The following ADCY5 variants were observed in gnomAD, a reference collection of about 807,000 sequenced individuals.
ADCY5 encodes adenylate cyclase type 5.
Under a neutral mutation model 119.7 loss-of-function variants are expected in ADCY5, and 30 were observed. The ratio of observed to expected loss-of-function variants is 0.25; its 90% CI spans 0.19 to 0.34. The LOEUF is 0.34. ADCY5 is among the 10% of genes least tolerant of loss of function. The pLI is 1.00. For missense variants in ADCY5, 1,324 were observed against 1,775.2 expected, an observed-to-expected ratio of 0.75 and a Z score of 4.57; for synonymous variants, 753 against 762.2, an observed-to-expected ratio of 0.99 and a Z score of 0.20.
chr3:123,298,816 A>G (rs1939666802), intron 15 of ADCY5, among the ~76,000 whole-genome samples: 1 of 142,330 alleles, frequency 7.0e-6, no homozygotes, highest in Admixed American at 7.2e-5. Context: ...TTCTCAGGGG[A>G]CACAAAACTG....
chr3:123,353,417 G>T (rs576694252), intron 1 of ADCY5, among the ~76,000 whole-genome samples: 1 of 152,306 alleles, frequency 6.6e-6, no homozygotes, highest in Non-Finnish European at 1.5e-5. Context: ...AATTTCTCTT[G>T]GCAGGTAGAG....
chr3:123,380,972 C>G (rs994652892), intron 1 of ADCY5, among the ~76,000 whole-genome samples: 1 of 152,164 alleles, frequency 6.6e-6, no homozygotes, highest in African/African-American at 2.4e-5. Context: ...AGCCCTTCCA[C>G]TTCATACGGT....
In ADCY5 at chr3:123,286,575, G is replaced by A; in HGVS notation, c.3657+110C>T. 1 of 1,423,234 alleles carries A rather than the reference G, an allele frequency of 7.0e-7. No individual in the cohort carries two copies. The allele number at this position is 1,423,234 out of a possible 1,614,324, so 88.2% of individuals were successfully genotyped here. On this transcript the variant is annotated intron_variant, in intron 20 of 20. Transcript: ENST00000462833. This position sits in a 1 kb window ranked among gnomAD's most constrained non-coding sequence, Gnocchi z 4.2. ...CAACAGCCCCATCACCCTTGAATCT[G>A]GCTGCAGACATTCTGACTGGGAACT... is the stretch of plus-strand genomic sequence containing the variant.
At chr3:123,393,591 A>AAAAT (rs1479767828) in intron 1 of ADCY5, among the ~76,000 whole-genome samples, 1 of 151,652 alleles carries the variant, frequency 6.6e-6, no homozygotes, top group African/African-American at 2.4e-5. Flanking sequence ...AAAATAAAAT[A>AAAAT]AAATAAAATA....
chr3:123,352,774 A>G lies in ADCY5; in HGVS notation c.1135-193T>C, dbSNP rs1706774783. ...CGGGCTCTCTGATGTCCTCAAAGCC[A>G]GAAGTTTGGCTGGCTTGTCATGGGA... On this transcript the variant is annotated intron_variant, in intron 1 of 20. Coordinates refer to ENST00000462833, the MANE Select transcript of ADCY5 (RefSeq NM_183357.3). The surrounding 1 kb of genome is among the most constrained non-coding windows in gnomAD (Gnocchi z 4.8). Among the ~76,000 whole-genome samples the G allele has an allele frequency of 6.6e-6, 1 of 152,216 alleles. No homozygotes were observed. The highest frequency in any genetic ancestry group is 2.1e-4 in the South Asian group (1 of 4,832).
chr3:123,388,435 C>T (rs1944296817), intron 1 of ADCY5, among the ~76,000 whole-genome samples: 1 of 151,994 alleles, frequency 6.6e-6, no homozygotes, highest in African/African-American at 2.4e-5. Context: ...AGCCGGTCTC[C>T]GTGAGGACAG....
At chr3:123,441,874 CT>C (rs1223054985) in intron 1 of ADCY5, among the ~76,000 whole-genome samples, 3 of 151,766 alleles carry the variant, frequency 2.0e-5, no homozygotes, top group Non-Finnish European at 2.9e-5. Flanking sequence ...AAAATGCGGG[CT>C]CACATTAAGC....
chr3:123,347,929 T>A, intron 2 of ADCY5, 26 bp from the exon 3 acceptor site: 5 of 1,613,000 alleles, frequency 3.1e-6, no homozygotes, highest in Non-Finnish European at 4.2e-6. Context: ...CATGCTTTCA[T>A]CACCACGCCT....
intron 12 of ADCY5, among the ~76,000 whole-genome samples, chr3:123,306,540 T>C (rs1646292831): frequency 6.6e-6 from 1 of 152,232 alleles, no homozygotes; most frequent in African/African-American, 2.4e-5. Flanking sequence ...TTGGACTTTA[T>C]CAAAATTAAT....
chr3:123,389,129 G>T (rs1944324169), intron 1 of ADCY5, among the ~76,000 whole-genome samples: 1 of 151,734 alleles, frequency 6.6e-6, no homozygotes, highest in African/African-American at 2.4e-5. Context: ...GAAGCCAGGA[G>T]GTGCAGGACG....
At chr3:123,406,896 C>A (rs965408733) in intron 1 of ADCY5, among the ~76,000 whole-genome samples, 1 of 152,180 alleles carries the variant, frequency 6.6e-6, no homozygotes, top group Non-Finnish European at 1.5e-5. Flanking sequence ...GCACACCCAC[C>A]CTGCAGGCCA....
chr3:123,424,061 C>A (rs1945353493), intron 1 of ADCY5, among the ~76,000 whole-genome samples: 1 of 152,258 alleles, frequency 6.6e-6, no homozygotes, highest in Admixed American at 6.5e-5. Flanking sequence ...AGGCCACCGT[C>A]CTAGAGCAGA....
intron 3 of ADCY5, among the ~76,000 whole-genome samples, chr3:123,333,994 A>G (rs1250745044): frequency 6.6e-6 from 1 of 152,166 alleles, no homozygotes; most frequent in Non-Finnish European, 1.5e-5. Context: ...AGCTGGTGAT[A>G]GATCTTTCAC....
At chr3:123,423,638 C>G (rs558103170) in intron 1 of ADCY5, among the ~76,000 whole-genome samples, 23 of 152,318 alleles carry the variant, frequency 1.5e-4, no homozygotes, top group Non-Finnish European at 1.8e-4. Context: ...AGCTCCCTGA[C>G]ACTATTCTAA....
In ADCY5 at chr3:123,401,812, C is replaced by A. The variant is rs1007063066; in HGVS notation, c.1134+45600G>T. Reference sequence around the variant, plus strand: ...GTGTGGCAGGTAGCTCTTACCGAACCTACCTAAAAACCCGGCCTGTCTCAG... The same window carrying A: ...GTGTGGCAGGTAGCTCTTACCGAACATACCTAAAAACCCGGCCTGTCTCAG... On this transcript the variant is annotated intron_variant, in intron 1 of 20. Coordinates refer to ENST00000462833, the MANE Select transcript of ADCY5 (RefSeq NM_183357.3). 2.0e-5 allele frequency among the ~76,000 whole-genome samples: 3 copies of A among 152,124 alleles called. No homozygotes were observed. The East Asian group carries it at 5.8e-4, about 29-fold the overall frequency.
chr3:123,352,631 C>T lies in ADCY5; in HGVS notation c.1135-50G>A, dbSNP rs1208362831. On this transcript the variant is annotated intron_variant, in intron 1 of 20. Transcript: ENST00000462833. The surrounding 1 kb of genome is among the most constrained non-coding windows in gnomAD (Gnocchi z 4.8). ...CTAGCTCAGATCCTGACCTTCCTGG[C>T]CCCAAAGCATGAAGCCCTCAGCCCC... The T allele has an allele frequency of 3.2e-6, 5 of 1,556,030 alleles. No individual in the cohort carries two copies. The highest frequency in any genetic ancestry group is 4.4e-6 in the Non-Finnish European group (5 of 1,144,572).
chr3:123,297,303 G>T (rs1458907341), intron 16 of ADCY5, 50 bp downstream of exon 16: 1 of 1,602,172 alleles, frequency 6.2e-7, no homozygotes, highest in Non-Finnish European at 8.5e-7. Context: ...CTCCCTGTCT[G>T]CTCTGTGCTG....
chr3:123,291,471 C>A, intron 17 of ADCY5, 95 bp from the exon 18 acceptor site: 1 of 1,478,416 alleles, frequency 6.8e-7, no homozygotes, highest in Non-Finnish European at 9.1e-7. Context: ...AGAAAAAGCA[C>A]CAGTCACGCA....
chr3:123,396,812 AGGC>A (rs1944602270), intron 1 of ADCY5, among the ~76,000 whole-genome samples: 1 of 56,020 alleles, frequency 1.8e-5, no homozygotes, highest in African/African-American at 7.3e-5. Context: ...GCAGGCAGGC[AGGC>A]AGGCGAGAGA....
Sources: allele counts gnomAD v4.1 joint callset (sites outside exome capture counted in the v4.1 genomes callset), GRCh38; gene constraint gnomAD v4.1.1; non-coding constraint Gnocchi (gnomAD v3.1); transcripts MANE v1.5; gene names NCBI Gene and HGNC (gene_info 2026-07-23, HGNC 2026-07-21).